UBE3D: variants seen among roughly 807,000 people sequenced by gnomAD.
UBE3D encodes the protein E3 ubiquitin-protein ligase E3D.
Under a neutral mutation model 49.6 loss-of-function variants are expected in UBE3D, and 48 were observed. The observed-to-expected ratio is 0.97, with a 90% CI of 0.77 to 1.23. The LOEUF (loss-of-function observed/expected upper bound fraction) is 1.23. Among genes scored for constraint, UBE3D ranks in the 50% most tolerant of loss-of-function variants. The probability of loss-of-function intolerance (pLI) is 0.00; values close to 1 mark genes in which losing one functional copy is unlikely to be tolerated. For synonymous variants in UBE3D, 189 were observed against 174.2 expected (o/e 1.08, Z -0.67); for missense variants, 452 against 468.4 (o/e 0.96, Z 0.32).
rs765904900 is a variant in UBE3D at position 83,057,919 on chromosome 6, C to T, written c.181G>A (p.Val61Ile). Reference sequence around the variant, plus strand: ...CGGCAAGAGGAAGGTACAAGCCTGACCTCTGCTGGAAGCTGGATTTCTGTG... The same window carrying T: ...CGGCAAGAGGAAGGTACAAGCCTGATCTCTGCTGGAAGCTGGATTTCTGTG... ...GCTEIQLPAE[V>I]RLVPSSCRGL... is the part of the protein sequence containing the mutation. Residue 61 changes from valine to isoleucine, a missense_variant, in exon 2 of 10, where the codon GTC (valine) becomes ATC (isoleucine). Physicochemically the swap from Val to Ile is conservative, Grantham distance 29. Coordinates refer to ENST00000369747, the MANE Select transcript of UBE3D (RefSeq NM_198920.3). 1 of 1,614,070 alleles carries T rather than the reference C, an allele frequency of 6.2e-7. No homozygotes were observed. Among genetic ancestry groups the T allele is most frequent in the Admixed American group, 1.7e-5 (1 of 60,004 alleles).
intron 8 of UBE3D, 78 bp downstream of exon 8, chr6:83,018,895 T>C (rs935050511): frequency 2.6e-6 from 4 of 1,535,108 alleles, no homozygotes; most frequent in Non-Finnish European, 3.6e-6. Flanking sequence ...TGGCATTTAA[T>C]TCATTAATTT....
chr6:83,062,098 GC>G lies in UBE3D; in HGVS notation c.77+3543del, dbSNP rs201925421. On this transcript the variant is annotated intron_variant, in intron 1 of 9. Coordinates refer to ENST00000369747, the MANE Select transcript of UBE3D (RefSeq NM_198920.3). ...TATATATTTATTTTGTATATTCTCT[GC>G]CGCCTCTTCTCTACTGCCACCATTA... Among the ~76,000 whole-genome samples, 1,511 of 151,382 alleles carry G rather than the reference GC, an allele frequency of 1.0e-2. 13 individuals are homozygous for G. The highest frequency in any genetic ancestry group is 0.014 in the Non-Finnish European group (972 of 67,864).
At chr6:82,974,622 T>C (rs1777586569) in intron 8 of UBE3D, among the ~76,000 whole-genome samples, 1 of 152,148 alleles carries the variant, frequency 6.6e-6, no homozygotes, top group Non-Finnish European at 1.5e-5. Flanking sequence ...GAGGAAACTA[T>C]GGATACAGAA....
intron 8 of UBE3D, among the ~76,000 whole-genome samples, chr6:83,008,121 T>C (rs533001333): frequency 1.3e-5 from 2 of 152,322 alleles, no homozygotes; most frequent in South Asian, 4.1e-4. Context: ...AATTTAGCAC[T>C]ATTGGCATTT....
intron 8 of UBE3D, among the ~76,000 whole-genome samples, chr6:82,959,717 CAAAAAAAAAAAAAA>C (rs778278435): frequency 3.2e-4 from 12 of 37,718 alleles, no homozygotes; most frequent in African/African-American, 1.2e-3. Context: ...GTGAGACCTC[CAAAAAAAAAAAAAA>C]AAAAAAAAAA....
At chr6:82,919,428 C>G (rs1460227419) in intron 9 of UBE3D, among the ~76,000 whole-genome samples, 1 of 151,198 alleles carries the variant, frequency 6.6e-6, no homozygotes. Flanking sequence ...ACGGTGAAAC[C>G]CTGTCTGCAC....
chr6:82,993,451 C>A (rs1254604893), intron 8 of UBE3D, among the ~76,000 whole-genome samples: 1 of 152,136 alleles, frequency 6.6e-6, no homozygotes, highest in Middle Eastern at 3.2e-3. Flanking sequence ...ATGTTCAAGT[C>A]CCTTATGTAA....
intron 2 of UBE3D, among the ~76,000 whole-genome samples, chr6:83,056,959 G>A (rs1312730048): frequency 6.6e-6 from 1 of 152,134 alleles, no homozygotes; most frequent in African/African-American, 2.4e-5. Context: ...TACGTACATT[G>A]TAATAGATGT....
chr6:82,906,767 C>T (rs1239261019), intron 9 of UBE3D, among the ~76,000 whole-genome samples: 1 of 152,178 alleles, frequency 6.6e-6, no homozygotes, highest in African/African-American at 2.4e-5. Context: ...AAACACCCTG[C>T]TTCAAGTGTC....
chr6:82,941,927 G>C (rs1434268620), intron 9 of UBE3D, among the ~76,000 whole-genome samples: 1 of 152,104 alleles, frequency 6.6e-6, no homozygotes, highest in Non-Finnish European at 1.5e-5. Flanking sequence ...CTTTATAGCA[G>C]CAAGAAAGGA....
intron 9 of UBE3D, among the ~76,000 whole-genome samples, chr6:82,904,676 G>T (rs974084391): frequency 1.3e-5 from 2 of 152,146 alleles, no homozygotes; most frequent in African/African-American, 4.8e-5. Context: ...CTCTTTTGCT[G>T]TCTGCTGCTA....
chr6:82,983,869 C>T (rs975739481), intron 8 of UBE3D, among the ~76,000 whole-genome samples: 4 of 152,214 alleles, frequency 2.6e-5, no homozygotes, highest in Non-Finnish European at 5.9e-5. Flanking sequence ...GTTTTAAAGT[C>T]TCTTGGAGCA....
chr6:82,948,892 A>G (rs1775592540), intron 9 of UBE3D, among the ~76,000 whole-genome samples: 1 of 152,068 alleles, frequency 6.6e-6, no homozygotes, highest in Non-Finnish European at 1.5e-5. Flanking sequence ...AAAGCCATAT[A>G]TGATAGACCC....
chr6:83,016,355 G>C lies in UBE3D; in HGVS notation c.1010+2618C>G, dbSNP rs199535499. On this transcript the variant is annotated intron_variant, in intron 8 of 9. Transcript: ENST00000369747. ...GCCTCTCATGAGCGGTGAATCAGGA[G>C]TGTCAAATGTATGTATTTTGCATAA... Among the ~76,000 whole-genome samples the C allele has an allele frequency of 1.8e-4, 28 of 152,282 alleles. No individual in the cohort carries two copies. The East Asian group carries it at 4.6e-3, about 25-fold the overall frequency.
chr6:83,033,377 C>T (rs1190546563), intron 5 of UBE3D, among the ~76,000 whole-genome samples: 2 of 152,016 alleles, frequency 1.3e-5, no homozygotes, highest in African/African-American at 4.8e-5. Flanking sequence ...AGGAGACAAA[C>T]ATCAGAACTA....
In UBE3D at chr6:82,984,471, C is replaced by T. The variant is rs138915371; in HGVS notation, c.1011-27021G>A. On this transcript the variant is annotated intron_variant, in intron 8 of 9. Coordinates refer to ENST00000369747, the MANE Select transcript of UBE3D (RefSeq NM_198920.3). ...AAGTAAATGCACATGTAATTTTTGC[C>T]AAATTTCCCTCCATAAAGATTGTAC... is the stretch of plus-strand genomic sequence containing the variant. 6.8e-3 allele frequency among the ~76,000 whole-genome samples: 1,033 copies of T among 152,166 alleles called. 6 individuals carry two copies. The highest frequency in any genetic ancestry group is 8.8e-3 in the Non-Finnish European group (601 of 67,986).
At chr6:83,059,280 T>C (rs1784014465) in intron 1 of UBE3D, among the ~76,000 whole-genome samples, 1 of 151,994 alleles carries the variant, frequency 6.6e-6, no homozygotes, top group Non-Finnish European at 1.5e-5. Flanking sequence ...TCCTAGCCAC[T>C]CAGGAGGCTG....
In UBE3D at chr6:83,057,901, A is replaced by G. The variant is rs762214588; in HGVS notation, c.199T>C (p.Ser67Pro). ...LPAEVRLVPSSCRGLQFVVGD... is the reference protein window; with the variant it reads ...LPAEVRLVPSPCRGLQFVVGD... ...ACAACAAACTGTAGCCCACGGCAAGAGGAAGGTACAAGCCTGACCTCTGCT... is the reference window on the plus strand; with the variant it reads ...ACAACAAACTGTAGCCCACGGCAAGGGGAAGGTACAAGCCTGACCTCTGCT... The change falls in exon 2 of 10, where the codon TCT (serine) becomes CCT (proline). Residue 67 changes from serine (S) to proline (P), a missense_variant. By Grantham distance (74) the Ser-to-Pro change is moderately conservative. Coordinates refer to ENST00000369747, the MANE Select transcript of UBE3D (RefSeq NM_198920.3). 7.4e-6 allele frequency: 12 copies of G among 1,614,056 alleles called. No homozygotes were observed. The East Asian group carries it at 2.7e-4, about 36-fold the overall frequency.
intron 9 of UBE3D, among the ~76,000 whole-genome samples, chr6:82,950,623 A>G (rs989770681): frequency 6.6e-6 from 1 of 152,170 alleles, no homozygotes; most frequent in Non-Finnish European, 1.5e-5. Context: ...AAAGAAAAGA[A>G]ATCAGTATAT....
Sources: allele counts gnomAD v4.1 joint callset (sites outside exome capture counted in the v4.1 genomes callset), GRCh38; gene constraint gnomAD v4.1.1; transcripts MANE v1.5; gene names NCBI Gene and HGNC (gene_info 2026-07-23, HGNC 2026-07-21).